NRXN3: variants seen among roughly 807,000 people sequenced by gnomAD.
NRXN3 encodes neurexin III.
In NRXN3, 32 loss-of-function variants were observed where a neutral mutation model predicts 137.6. That is an observed-to-expected ratio of 0.23 (90% confidence interval 0.18 to 0.31). The LOEUF is 0.31. NRXN3 is among the 10% of genes least tolerant of loss of function. NRXN3 has a pLI of 1.00. For synonymous variants in NRXN3, 798 were observed against 784.5 expected (o/e 1.02, Z -0.29); for missense variants, 1,574 against 2,062.5 (o/e 0.76, Z 4.59).
At chr14:79,124,526 C>T (rs1470354198) in intron 15 of NRXN3, among the ~76,000 whole-genome samples, 1 of 152,166 alleles carries the variant, frequency 6.6e-6, no homozygotes, top group Non-Finnish European at 1.5e-5. Flanking sequence ...CTTCTACTCT[C>T]CCAGCACAAT....
chr14:79,565,573 A>C (rs762938599), intron 16 of NRXN3, among the ~76,000 whole-genome samples: 4 of 151,906 alleles, frequency 2.6e-5, no homozygotes, highest in African/African-American at 9.7e-5. Flanking sequence ...GGTGCCTGCT[A>C]GGTATAGTCA....
intron 15 of NRXN3, among the ~76,000 whole-genome samples, chr14:79,378,887 A>G (rs949521548): frequency 7.2e-5 from 11 of 152,120 alleles, no homozygotes; most frequent in African/African-American, 2.2e-4. Context: ...AAAAAAAAAA[A>G]AAAACCCTGA....
chr14:79,625,378 T>C (rs1030715256), intron 16 of NRXN3, among the ~76,000 whole-genome samples: 3 of 152,146 alleles, frequency 2.0e-5, no homozygotes, highest in African/African-American at 7.2e-5. Context: ...AGGGGATGTT[T>C]GGGTTGTTTC....
At chr14:79,708,637 G>A (rs568757327) in intron 19 of NRXN3, among the ~76,000 whole-genome samples, 47 of 152,216 alleles carry the variant, frequency 3.1e-4, no homozygotes, top group African/African-American at 1.0e-3. Context: ...GGGGTGGGAT[G>A]TGGTTTCATA....
intron 10 of NRXN3, among the ~76,000 whole-genome samples, chr14:78,944,568 A>G (rs1011948986): frequency 6.6e-6 from 1 of 152,164 alleles, no homozygotes; most frequent in African/African-American, 2.4e-5. Context: ...TGTCCTCATC[A>G]GAAGAGGGTA....
intron 4 of NRXN3, among the ~76,000 whole-genome samples, chr14:78,303,578 C>A (rs2077077798): frequency 6.6e-6 from 1 of 152,036 alleles, no homozygotes; most frequent in African/African-American, 2.4e-5. Flanking sequence ...TGTCAAGGTG[C>A]CTTCCCTGCT....
intron 15 of NRXN3, among the ~76,000 whole-genome samples, chr14:79,448,208 C>T (rs1245263217): frequency 6.6e-6 from 1 of 152,160 alleles, no homozygotes; most frequent in Non-Finnish European, 1.5e-5. Context: ...CTTATTTCCT[C>T]TGCCTTGAAC....
chr14:79,488,615 G>A (rs2153652548), intron 16 of NRXN3, among the ~76,000 whole-genome samples: 1 of 152,254 alleles, frequency 6.6e-6, no homozygotes, highest in Admixed American at 6.5e-5. Flanking sequence ...AACAAATGAT[G>A]GTGATAACTT....
chr14:79,094,649 G>T (rs2049898201), intron 15 of NRXN3, among the ~76,000 whole-genome samples: 2 of 152,146 alleles, frequency 1.3e-5, no homozygotes, highest in Non-Finnish European at 1.5e-5. Context: ...ACCCTTGAAG[G>T]AATATGGGAC....
At chr14:79,241,481 G>T (rs1451247441) in intron 15 of NRXN3, among the ~76,000 whole-genome samples, 3 of 152,128 alleles carry the variant, frequency 2.0e-5, no homozygotes, top group Non-Finnish European at 2.9e-5. Flanking sequence ...AACTTGTGCA[G>T]GGGAACTCCC....
intron 16 of NRXN3, among the ~76,000 whole-genome samples, chr14:79,628,228 A>C (rs1047675812): frequency 2.6e-5 from 4 of 152,212 alleles, no homozygotes; most frequent in African/African-American, 7.2e-5. Context: ...TTTCATCATC[A>C]TCCTCCTCCC....
In NRXN3 at chr14:78,455,143, G is replaced by A. The variant is rs150417461; in HGVS notation, c.757+157283G>A. ...AGGAGCATTGCCGTCTTTCTGGAGA[G>A]ACCATCAAGTGTCGCAACTGCACTG... On this transcript the variant is annotated intron_variant, in intron 4 of 20. Coordinates refer to ENST00000335750, the MANE Select transcript of NRXN3 (RefSeq NM_001330195.2). Among the ~76,000 whole-genome samples the A allele has an allele frequency of 4.9e-4, 74 of 152,300 alleles. No homozygotes were observed. In the South Asian group the frequency reaches 9.7e-3, roughly 20 times the overall value.
chr14:79,132,057 C>T lies in NRXN3; in HGVS notation c.3262+143916C>T, dbSNP rs1227530986. On this transcript the variant is annotated intron_variant, in intron 15 of 20. Transcript: ENST00000335750. Reference sequence around the variant, plus strand: ...TCAGCTCACGCACGGTGCGTGCACCCACTGACCTGCGCGCACTGTCTGGCA... The same window carrying T: ...TCAGCTCACGCACGGTGCGTGCACCTACTGACCTGCGCGCACTGTCTGGCA... Among the ~76,000 whole-genome samples the T allele has an allele frequency of 2.0e-5, 3 of 152,368 alleles. No homozygotes were observed. In the East Asian group the frequency reaches 5.8e-4, roughly 29 times the overall value.
At chr14:78,323,340 C>A (rs1200332514) in intron 4 of NRXN3, among the ~76,000 whole-genome samples, 1 of 151,776 alleles carries the variant, frequency 6.6e-6, no homozygotes, top group African/African-American at 2.4e-5. Flanking sequence ...ATCAAAGTGC[C>A]CTGTGTGTGG....
intron 15 of NRXN3, among the ~76,000 whole-genome samples, chr14:79,399,008 C>CAAAAAAAAA (rs34172134): frequency 2.6e-5 from 2 of 76,066 alleles, no homozygotes; most frequent in African/African-American, 5.5e-5. Flanking sequence ...GACTCCATCT[C>CAAAAAAAAA]AAAAAAAAAA....
At chr14:78,488,245 C>G (rs531198410) in intron 4 of NRXN3, among the ~76,000 whole-genome samples, 1 of 152,310 alleles carries the variant, frequency 6.6e-6, no homozygotes, top group African/African-American at 2.4e-5. Context: ...TTAAAAATCA[C>G]CTATCTCCAA....
chr14:79,585,707 A>AAAAC, intron 16 of NRXN3, among the ~76,000 whole-genome samples: 1 of 150,648 alleles, frequency 6.6e-6, no homozygotes, highest in East Asian at 1.9e-4. Context: ...AAAAAAAAAA[A>AAAAC]ACCAACTTTG....
intron 19 of NRXN3, among the ~76,000 whole-genome samples, chr14:79,763,030 CCT>C (rs892083877): frequency 1.3e-5 from 2 of 151,164 alleles, no homozygotes; most frequent in Non-Finnish European, 2.9e-5. Flanking sequence ...CCTCCCACCC[CCT>C]GACAGGCCCT....
At chr14:79,426,197 A>G (rs117993498) in intron 15 of NRXN3, among the ~76,000 whole-genome samples, 2 of 152,272 alleles carry the variant, frequency 1.3e-5, no homozygotes, top group South Asian at 4.2e-4. Context: ...TGCAGCTGAC[A>G]GTAGCAGATG....
Sources: gnomAD v4.1 joint callset for allele counts (sites outside exome capture counted in the v4.1 genomes callset) on GRCh38, gnomAD v4.1.1 for gene constraint, MANE v1.5 for transcripts, NCBI Gene and HGNC (gene_info 2026-07-23, HGNC 2026-07-21) for gene names.